The following MARCHF11 variants were observed in gnomAD, a reference collection of about 807,000 sequenced individuals.
The protein encoded by MARCHF11 is E3 ubiquitin-protein ligase MARCHF11.
A neutral mutation model predicts 37.3 loss-of-function variants in MARCHF11; 29 were observed. The ratio of observed to expected loss-of-function variants is 0.78; its 90% confidence interval spans 0.58 to 1.06. The LOEUF is 1.06. Among genes scored for constraint, MARCHF11 ranks in the 50% least tolerant of loss-of-function variants. The pLI, the probability that MARCHF11 is intolerant of heterozygous loss-of-function variation, is 0.00. For missense variants in MARCHF11, 482 were observed against 533.4 expected, an observed-to-expected ratio of 0.90 and a Z score of 0.95; for synonymous variants, 233 against 228.0, an observed-to-expected ratio of 1.02 and a Z score of -0.20.
In MARCHF11 at chr5:16,174,275, G is replaced by T. The variant is rs1579428386; in HGVS notation, c.693+3451C>A. ...CTTGGATATGTTAATAAATAAAATA[G>T]ATTCTGCCAGTAGATAGGAAGGTAA... On this transcript the variant is annotated intron_variant, in intron 2 of 3. Transcript: ENST00000332432. 4.6e-5 allele frequency among the ~76,000 whole-genome samples: 7 copies of T among 152,314 alleles called. No homozygotes were observed. The East Asian group carries it at 9.7e-4, about 21-fold the overall frequency.
chr5:16,146,529 G>C (rs575031569), intron 2 of MARCHF11, among the ~76,000 whole-genome samples: 2 of 152,248 alleles, frequency 1.3e-5, no homozygotes, highest in Non-Finnish European at 2.9e-5. Context: ...GGGACTCAGG[G>C]ACCAGGACTC....
intron 3 of MARCHF11, among the ~76,000 whole-genome samples, chr5:16,081,706 T>C (rs1736612166): frequency 6.6e-6 from 1 of 152,228 alleles, no homozygotes; most frequent in African/African-American, 2.4e-5. Flanking sequence ...CTATCTCCTA[T>C]GGAGGAGACG....
chr5:16,100,657 T>G (rs1351269170), intron 2 of MARCHF11, among the ~76,000 whole-genome samples: 1 of 152,114 alleles, frequency 6.6e-6, no homozygotes, highest in Non-Finnish European at 1.5e-5. Flanking sequence ...GGCTGCCCTC[T>G]ACCCAGGTGC....
chr5:16,145,643 T>C (rs1345000716), intron 2 of MARCHF11, among the ~76,000 whole-genome samples: 6 of 152,180 alleles, frequency 3.9e-5, no homozygotes, highest in Non-Finnish European at 7.3e-5. Context: ...ATAGGACACA[T>C]GTGTTGAAAA....
chr5:16,143,713 A>C (rs1737756154), intron 2 of MARCHF11, among the ~76,000 whole-genome samples: 1 of 152,240 alleles, frequency 6.6e-6, no homozygotes, highest in South Asian at 2.1e-4. Context: ...ATGCAAGGTC[A>C]AAGAGCAAAA....
chr5:16,103,163 G>A (rs981068465), intron 2 of MARCHF11, among the ~76,000 whole-genome samples: 1 of 152,030 alleles, frequency 6.6e-6, no homozygotes, highest in African/African-American at 2.4e-5. Context: ...ATACAGCTTG[G>A]TATGCACTCA....
At chr5:16,090,421 G>A (rs753528706) in intron 3 of MARCHF11, among the ~76,000 whole-genome samples, 1 of 152,108 alleles carries the variant, frequency 6.6e-6, no homozygotes, top group Admixed American at 6.5e-5. Flanking sequence ...AACCTTCCAA[G>A]GGGTCCCTTT....
chr5:16,167,359 G>A (rs1209107501), intron 2 of MARCHF11, among the ~76,000 whole-genome samples: 1 of 152,054 alleles, frequency 6.6e-6, no homozygotes, highest in East Asian at 1.9e-4. Context: ...CAGTCCAAAG[G>A]CTGATACATT....
intron 3 of MARCHF11, among the ~76,000 whole-genome samples, chr5:16,083,073 A>C (rs1736639578): frequency 1.3e-5 from 2 of 152,328 alleles, no homozygotes; most frequent in Middle Eastern, 3.4e-3. Context: ...GGGCTCCAAA[A>C]GTCTTGTGAT....
At chr5:16,146,720 A>T (rs1255154696) in intron 2 of MARCHF11, among the ~76,000 whole-genome samples, 1 of 152,206 alleles carries the variant, frequency 6.6e-6, no homozygotes, top group African/African-American at 2.4e-5. Context: ...AGTCGGTGGC[A>T]CAGTAGTTAA....
intron 2 of MARCHF11, among the ~76,000 whole-genome samples, chr5:16,174,858 C>T (rs1738330328): frequency 6.6e-6 from 1 of 152,194 alleles, no homozygotes; most frequent in African/African-American, 2.4e-5. Flanking sequence ...AAGGGCCAGA[C>T]TCCAGAAGTG....
chr5:16,104,196 C>G (rs1737001412), intron 2 of MARCHF11, among the ~76,000 whole-genome samples: 1 of 151,994 alleles, frequency 6.6e-6, no homozygotes. Context: ...TCTTTAAGGC[C>G]CCTTTCCGCT....
chr5:16,177,912 T>C, intron 1 of MARCHF11, 31 bp from the exon 2 acceptor site: 1 of 1,559,218 alleles, frequency 6.4e-7, no homozygotes. Flanking sequence ...TGTGAATATC[T>C]GTGTCTGTGT....
intron 2 of MARCHF11, among the ~76,000 whole-genome samples, chr5:16,174,056 T>A (rs1001418110): frequency 6.6e-6 from 1 of 152,234 alleles, no homozygotes; most frequent in Admixed American, 6.5e-5. Context: ...ATAAATGTTA[T>A]CTCTTCAAAG....
intron 2 of MARCHF11, among the ~76,000 whole-genome samples, chr5:16,159,297 A>G (rs1191873571): frequency 1.3e-5 from 2 of 152,004 alleles, no homozygotes; most frequent in African/African-American, 2.4e-5. Context: ...CACCTGAAAG[A>G]CACTTGAAAC....
intron 3 of MARCHF11, among the ~76,000 whole-genome samples, chr5:16,088,547 T>C (rs1736737703): frequency 6.6e-6 from 1 of 152,214 alleles, no homozygotes; most frequent in East Asian, 1.9e-4. Context: ...TGCAGACATG[T>C]GAATTAATTT....
At chr5:16,115,503 G>A (rs181745961) in intron 2 of MARCHF11, among the ~76,000 whole-genome samples, 15 of 152,268 alleles carry the variant, frequency 9.9e-5, no homozygotes, top group East Asian at 3.9e-4. Flanking sequence ...TTATTTTAGC[G>A]TAGCATATTC....
chr5:16,117,130 G>C (rs531699996), intron 2 of MARCHF11, among the ~76,000 whole-genome samples: 8 of 152,188 alleles, frequency 5.3e-5, no homozygotes, highest in Non-Finnish European at 8.8e-5. Flanking sequence ...AAGAGGAAGA[G>C]AATAGATGAG....
At chr5:16,144,234 G>T (rs1042702930) in intron 2 of MARCHF11, among the ~76,000 whole-genome samples, 6 of 152,212 alleles carry the variant, frequency 3.9e-5, no homozygotes, top group African/African-American at 1.4e-4. Flanking sequence ...AACTCAGAAT[G>T]AATGCTGTGC....
Sources: allele counts gnomAD v4.1 joint callset (sites outside exome capture counted in the v4.1 genomes callset), GRCh38; gene constraint gnomAD v4.1.1; transcripts MANE v1.5; gene names NCBI Gene and HGNC (gene_info 2026-07-23, HGNC 2026-07-21).